DRC9: variants seen among roughly 807,000 people sequenced by gnomAD.
The protein encoded by DRC9 is dynein regulatory complex protein 9.
chr3:197,914,004 C>CA, the DRC9 span: 1 of 1,614,114 alleles, frequency 6.2e-7, no homozygotes, highest in Non-Finnish European at 8.5e-7. Context: ...TCATCTCTTG[C>CA]AGTTGGTCCT....
chr3:197,897,646 C>T, the DRC9 span, among the ~76,000 whole-genome samples: 1 of 151,958 alleles, frequency 6.6e-6, no homozygotes, highest in South Asian at 2.1e-4. Context: ...GACTAATAGA[C>T]ATTTATAAAA....
the DRC9 span, among the ~76,000 whole-genome samples, chr3:197,941,923 G>A: frequency 6.6e-6 from 1 of 152,210 alleles, no homozygotes; most frequent in East Asian, 1.9e-4. Context: ...AAATTGTTAA[G>A]ATTAGCCTCT....
chr3:197,893,314 G>A, the DRC9 span, among the ~76,000 whole-genome samples: 12 of 124,682 alleles, frequency 9.6e-5, no homozygotes, highest in South Asian at 2.5e-4. Context: ...CCCAGATCGC[G>A]CCATTGCACT....
the DRC9 span, chr3:197,943,783 A>G: frequency 1.2e-6 from 2 of 1,613,994 alleles, no homozygotes; most frequent in Non-Finnish European, 8.5e-7. Flanking sequence ...TATACCACGC[A>G]GATGCTCTGT....
the DRC9 span, chr3:197,926,134 A>C: frequency 3.9e-6 from 5 of 1,281,806 alleles, no homozygotes; most frequent in South Asian, 5.9e-5. Context: ...ATTTGTGTTT[A>C]GAGCAGTGCT....
the DRC9 span, chr3:197,913,343 TGC>T: frequency 2.1e-4 from 48 of 233,128 alleles, no homozygotes; most frequent in African/African-American, 8.6e-4. Flanking sequence ...CGTGCGTGCG[TGC>T]GTGTGTGCGT....
the DRC9 span, chr3:197,954,305 A>G: frequency 1.3e-6 from 1 of 765,432 alleles, no homozygotes. Flanking sequence ...ATAGTAATTG[A>G]AAGAATTAGG....
chr3:197,895,425 A>G, the DRC9 span, among the ~76,000 whole-genome samples: 52 of 152,196 alleles, frequency 3.4e-4, no homozygotes, highest in East Asian at 9.5e-3. Context: ...GTGCAACACC[A>G]TGTCCGGCTA....
chr3:197,909,643 A>C, the DRC9 span, among the ~76,000 whole-genome samples: 2 of 152,238 alleles, frequency 1.3e-5, no homozygotes, highest in African/African-American at 4.8e-5. Context: ...AGTAAATGTA[A>C]GAAGAAAACA....
At chr3:197,910,392 C>T in the DRC9 span, among the ~76,000 whole-genome samples, 1 of 152,192 alleles carries the variant, frequency 6.6e-6, no homozygotes. Flanking sequence ...CCTTCGTGAT[C>T]CATTTATCTA....
the DRC9 span, among the ~76,000 whole-genome samples, chr3:197,955,216 ACT>A: frequency 1.3e-5 from 2 of 151,214 alleles, no homozygotes; most frequent in Non-Finnish European, 2.9e-5. Flanking sequence ...GGAGGCTTTT[ACT>A]CTGTCTTTAG....
the DRC9 span, among the ~76,000 whole-genome samples, chr3:197,935,311 A>T: frequency 6.6e-6 from 1 of 151,962 alleles, no homozygotes; most frequent in African/African-American, 2.4e-5. Context: ...GTGGTGACGC[A>T]CGCCAGTAAT....
At chr3:197,913,869 C>A in the DRC9 span, 1 of 1,614,014 alleles carries the variant, frequency 6.2e-7, no homozygotes, top group Non-Finnish European at 8.5e-7. Context: ...TGGCTAATGT[C>A]CCAGGGATTA....
At chr3:197,939,108 G>A in the DRC9 span, 9 of 253,116 alleles carry the variant, frequency 3.6e-5, no homozygotes, top group Admixed American at 5.1e-5. Context: ...TCTAGGGTCG[G>A]GGGGACAGTG....
At chr3:197,890,004 T>C in the DRC9 span, among the ~76,000 whole-genome samples, 1 of 152,220 alleles carries the variant, frequency 6.6e-6, no homozygotes, top group Non-Finnish European at 1.5e-5. Context: ...TTATACTGCT[T>C]TCCTTGAGGA....
chr3:197,912,510 A>G, the DRC9 span: 163,047 of 604,534 alleles, frequency 0.27, 27,369 homozygotes, highest in African/African-American at 0.67. Flanking sequence ...TTACAGCTAT[A>G]TAAGATATCT....
At chr3:197,949,695 G>T in the DRC9 span, 2 of 181,986 alleles carry the variant, frequency 1.1e-5, no homozygotes, top group Admixed American at 1.2e-4. Flanking sequence ...TATAGAAAAA[G>T]AAAAAAGAGA....
the DRC9 span, among the ~76,000 whole-genome samples, chr3:197,915,240 TAAAA>T: frequency 1.5e-5 from 2 of 129,818 alleles, no homozygotes; most frequent in Non-Finnish European, 1.6e-5. Context: ...AAGGGAACTC[TAAAA>T]AAAAAAAAAA....
the DRC9 span, chr3:197,954,199 A>G: frequency 1.2e-6 from 2 of 1,601,240 alleles, no homozygotes; most frequent in Admixed American, 1.7e-5. Flanking sequence ...ACTAGGTTCA[A>G]GGTGTTGTGC....
Sources: gnomAD v4.1 joint callset for allele counts (sites outside exome capture counted in the v4.1 genomes callset) on GRCh38, gnomAD v4.1.1 for gene constraint, MANE v1.5 for transcripts, NCBI Gene and HGNC (gene_info 2026-07-23, HGNC 2026-07-21) for gene names.